NTRK1: variants seen among roughly 807,000 people sequenced by gnomAD.
The protein encoded by NTRK1 is neurotrophic receptor tyrosine kinase 1, also known as high affinity nerve growth factor receptor.
A neutral mutation model predicts 86.8 loss-of-function variants in NTRK1; 62 were observed. The ratio of observed to expected loss-of-function variants is 0.71; its 90% CI spans 0.58 to 0.88. The LOEUF is 0.88. Ranked by LOEUF, NTRK1 falls within the 40% of genes least tolerant of loss-of-function variation. The pLI, the probability that NTRK1 is intolerant of heterozygous loss-of-function variation, is 0.00. For missense variants in NTRK1, 967 were observed against 1,078.4 expected, an observed-to-expected ratio of 0.90 and a Z score of 1.45; for synonymous variants, 469 against 456.6, an observed-to-expected ratio of 1.03 and a Z score of -0.35.
At chr1:156,848,273 G>A (rs973470317) in intron 2 of NTRK1, among the ~76,000 whole-genome samples, 2 of 152,198 alleles carry the variant, frequency 1.3e-5, no homozygotes, top group Non-Finnish European at 2.9e-5. Context: ...ATGCTTCTAA[G>A]CCAGGTGGCC....
intron 6 of NTRK1, among the ~76,000 whole-genome samples, chr1:156,871,381 C>T (rs867911020): frequency 9.9e-5 from 15 of 152,114 alleles, no homozygotes; most frequent in Middle Eastern, 6.8e-3. Flanking sequence ...AGTAAGACCC[C>T]GTCGCTACAA....
intron 7 of NTRK1, among the ~76,000 whole-genome samples, chr1:156,872,590 A>G (rs2102902283): frequency 6.6e-6 from 1 of 151,196 alleles, no homozygotes; most frequent in South Asian, 2.1e-4. Context: ...TGAATGCTAT[A>G]TTATATATAT....
chr1:156,817,047 T>TTCTCTCTCCCTCTCTCTCTCTCTCTC (rs1654010284), intron 1 of NTRK1, among the ~76,000 whole-genome samples: 1 of 113,782 alleles, frequency 8.8e-6, no homozygotes, highest in African/African-American at 3.2e-5. Flanking sequence ...GAACTTCCCT[T>TTCTCTCTCCCTCTCTCTCTCTCTCTC]TCTCTCTCTC....
chr1:156,874,483 T>A, intron 9 of NTRK1, 83 bp downstream of exon 9: 1 of 1,610,828 alleles, frequency 6.2e-7, no homozygotes, highest in Non-Finnish European at 8.5e-7. Flanking sequence ...AACTGATCCC[T>A]GAGAGACCAG....
chr1:156,845,711 A>C (rs1233848125), intron 2 of NTRK1: 1 of 1,613,608 alleles, frequency 6.2e-7, no homozygotes, highest in Admixed American at 1.7e-5. Flanking sequence ...CCTGACCAGG[A>C]GGTGGGTGCT....
At position 156,876,138 on chromosome 1, in the gene NTRK1, C is replaced by T. The variant is rs1419391410; in HGVS notation, c.1560C>T (p.Ala520=). Residue 520 remains alanine, a synonymous_variant, in exon 13 of 17, where the codon GCC becomes GCT. Coordinates refer to ENST00000524377, the MANE Select transcript of NTRK1 (RefSeq NM_002529.4). ...IVLKWELGEG[A]FGKVFLAECH... ...TCAAGTGGGAGCTGGGGGAGGGCGC[C>T]TTTGGGAAGGTCTTCCTTGCTGAGT... 6.2e-7 allele frequency: 1 copy of T among 1,614,154 alleles called. No homozygotes were observed. Among genetic ancestry groups the T allele is most frequent in the East Asian group, 2.2e-5 (1 of 44,884 alleles).
chr1:156,871,868 GCTCCC>G, intron 7 of NTRK1, 113 bp downstream of exon 7: 1 of 1,413,516 alleles, frequency 7.1e-7, no homozygotes, highest in Non-Finnish European at 9.8e-7. Context: ...CTCCACAGCT[GCTCCC>G]TCCCAGCTGT....
intron 6 of NTRK1, among the ~76,000 whole-genome samples, chr1:156,869,018 C>CCTTCCTTCCTTCCTTCCTTCCTTCCTT (rs148489988): frequency 2.3e-5 from 1 of 43,532 alleles, no homozygotes; most frequent in African/African-American, 8.1e-5. Context: ...TTTTCTCTCT[C>CCTTCCTTCCTTCCTTCCTTCCTTCCTT]CCTTCCTTCC....
intron 2 of NTRK1, chr1:156,845,280 G>A (rs1215089934): frequency 6.2e-7 from 1 of 1,612,474 alleles, no homozygotes; most frequent in Non-Finnish European, 8.5e-7. Context: ...GCTGCCCGGC[G>A]GTGCCGCCCT....
intron 2 of NTRK1, chr1:156,851,079 A>C: frequency 1.6e-6 from 1 of 642,166 alleles, no homozygotes; most frequent in East Asian, 2.7e-5. Context: ...CAACTTGAGT[A>C]ATATTCAAAA....
chr1:156,873,878 C>T lies in NTRK1; in HGVS notation c.1096C>T (p.Pro366Ser), dbSNP rs751741388. 6.3e-7 allele frequency: 1 copy of T among 1,593,192 alleles called. No individual in the cohort carries two copies. The highest frequency in any genetic ancestry group is 8.6e-7 in the Non-Finnish European group (1 of 1,169,278). Residue 366 changes from proline to serine, a missense_variant, in exon 8 of 17, where the codon CCC becomes TCC. Coordinates refer to ENST00000524377, the MANE Select transcript of NTRK1 (RefSeq NM_002529.4). ...NGNYTLLAANPFGQASASIMA... is the reference protein window; with the variant it reads ...NGNYTLLAANSFGQASASIMA... The stretch of plus-strand genomic sequence containing the variant: ...CAACTACACGCTGCTGGCTGCCAAC[C>T]CCTTCGGCCAGGCCTCCGCCTCCAT...
At chr1:156,862,117 AC>A (rs1488888751) in intron 1 of NTRK1, among the ~76,000 whole-genome samples, 2 of 152,142 alleles carry the variant, frequency 1.3e-5, no homozygotes, top group Admixed American at 6.5e-5. Flanking sequence ...TGGACAAGGA[AC>A]CTTGGCCTTG....
chr1:156,852,283 G>A, intron 2 of NTRK1: 1 of 1,293,442 alleles, frequency 7.7e-7, no homozygotes, highest in Non-Finnish European at 1.1e-6. Context: ...CTCTTGGGAT[G>A]ACACTCAATC....
At chr1:156,825,318 A>G (rs1654291431) in intron 1 of NTRK1, among the ~76,000 whole-genome samples, 1 of 152,220 alleles carries the variant, frequency 6.6e-6, no homozygotes, top group African/African-American at 2.4e-5. Context: ...GAGGCCAAAT[A>G]AATGCCTTGC....
chr1:156,842,003 C>T (rs1654808367), intron 1 of NTRK1: 2 of 1,579,300 alleles, frequency 1.3e-6, no homozygotes, highest in South Asian at 1.1e-5. Context: ...GGTGACTTGC[C>T]AAGGGTCTCA....
At chr1:156,868,416 G>C in intron 5 of NTRK1, 89 bp from the exon 6 acceptor site, 1 of 1,542,986 alleles carries the variant, frequency 6.5e-7, no homozygotes, top group South Asian at 1.2e-5. Flanking sequence ...TCATTGAGGA[G>C]GGTGGGGGAA....
chr1:156,868,156 C>T lies in NTRK1; in HGVS notation c.481C>T (p.Arg161Cys), dbSNP rs755045059. The change falls in exon 5 of 17, where the codon CGC becomes TGC. Residue 161 changes from arginine to cysteine, a missense_variant. This residue lies in a region of NTRK1 where 330 missense variants were observed against 302.0 expected (regional missense o/e 1.09). Transcript: ENST00000524377. The stretch of plus-strand genomic sequence containing the variant: ...TTCTTGTGCCCTGCGCTGGCTACAG[C>T]GCTGGGAGGAGGAGGGACTGGGCGG... ...HCSCALRWLQ[R>C]WEEEGLGGVP... The T allele has an allele frequency of 1.7e-5, 27 of 1,613,720 alleles. No individual in the cohort carries two copies. Among genetic ancestry groups the T allele is most frequent in the African/African-American group, 6.7e-5 (5 of 74,930 alleles).
chr1:156,847,407 G>A (rs1014080274), intron 2 of NTRK1, among the ~76,000 whole-genome samples: 2 of 152,228 alleles, frequency 1.3e-5, no homozygotes, highest in African/African-American at 2.4e-5. Context: ...TGGCTTTAGG[G>A]GTAGAAGAGG....
At chr1:156,821,901 T>C (rs1041411097) in intron 1 of NTRK1, among the ~76,000 whole-genome samples, 3 of 152,212 alleles carry the variant, frequency 2.0e-5, no homozygotes, top group Admixed American at 6.5e-5. Flanking sequence ...CCTTGATGTC[T>C]ACTTGGGAAG....
Sources: gnomAD v4.1 joint callset for allele counts (sites outside exome capture counted in the v4.1 genomes callset) on GRCh38, gnomAD v4.1.1 for gene constraint, gnomAD v4.1.1 regional missense constraint, MANE v1.5 for transcripts, NCBI Gene and HGNC (gene_info 2026-07-23, HGNC 2026-07-21) for gene names.